SNX9: variants seen among roughly 807,000 people sequenced by gnomAD.
SNX9 encodes sorting nexin 9, also known as sorting nexin-9.
A neutral mutation model predicts 89.4 loss-of-function variants in SNX9; 44 were observed. That is an observed-to-expected ratio of 0.49 (90% CI 0.39 to 0.63). SNX9 has a LOEUF of 0.63. Ranked by LOEUF, SNX9 falls within the 30% of genes least tolerant of loss-of-function variation. SNX9 has a pLI of 0.00. For missense variants in SNX9, 578 were observed against 736.1 expected (o/e 0.79, Z 2.49); for synonymous variants, 236 against 247.8 (o/e 0.95, Z 0.45).
intron 6 of SNX9, among the ~76,000 whole-genome samples, chr6:157,902,641 A>G (rs1288901266): frequency 2.6e-5 from 4 of 151,922 alleles, no homozygotes; most frequent in Admixed American, 2.6e-4. Flanking sequence ...TTTCTCTTAG[A>G]TTTAAAACAA....
At chr6:157,941,258 G>C (rs1236184975) in intron 17 of SNX9, among the ~76,000 whole-genome samples, 1 of 152,082 alleles carries the variant, frequency 6.6e-6, no homozygotes, top group African/African-American at 2.4e-5. Flanking sequence ...CCCCGTCACA[G>C]CCTCTCTGTG....
chr6:157,872,604 T>G (rs1442300989), intron 2 of SNX9: 1 of 152,694 alleles, frequency 6.5e-6, no homozygotes, highest in African/African-American at 2.4e-5. Flanking sequence ...TGGGTCTCTG[T>G]CATCATCTAG....
chr6:157,933,714 C>G (rs1264831125), intron 13 of SNX9, among the ~76,000 whole-genome samples: 1 of 152,136 alleles, frequency 6.6e-6, no homozygotes, highest in African/African-American at 2.4e-5. Context: ...CATGGTGGCT[C>G]TGTGATGTCT....
intron 6 of SNX9, among the ~76,000 whole-genome samples, chr6:157,904,078 T>A (rs1783161091): frequency 6.6e-6 from 1 of 152,212 alleles, no homozygotes; most frequent in South Asian, 2.1e-4. Flanking sequence ...TGTATTCTAG[T>A]CATGGAACAT....
intron 1 of SNX9, among the ~76,000 whole-genome samples, chr6:157,838,427 C>T (rs1178607052): frequency 6.6e-6 from 1 of 152,012 alleles, no homozygotes; most frequent in Non-Finnish European, 1.5e-5. Context: ...AACACAGACA[C>T]TTAGATATCT....
chr6:157,900,751 C>T (rs552951566), intron 5 of SNX9, among the ~76,000 whole-genome samples: 6 of 152,180 alleles, frequency 3.9e-5, no homozygotes, highest in Middle Eastern at 3.2e-3. Flanking sequence ...TCAGTAATTT[C>T]TGACAGAGCC....
At chr6:157,838,418 A>G (rs1781627547) in intron 1 of SNX9, among the ~76,000 whole-genome samples, 1 of 152,170 alleles carries the variant, frequency 6.6e-6, no homozygotes, top group African/African-American at 2.4e-5. Flanking sequence ...CTAATGGAGA[A>G]CACAGACACT....
rs1783915893 is a variant in SNX9, at chr6:157,935,983, T to C, written c.1386T>C (p.Asp462=). 6.2e-7 allele frequency: 1 copy of C among 1,612,672 alleles called. No homozygotes were observed. Among genetic ancestry groups the C allele is most frequent in the Non-Finnish European group, 8.5e-7 (1 of 1,179,184 alleles). The part of the protein sequence containing the change: ...SGYQGETDLN[D]AITEAGKTYE... ...TTTCAGGTGAAACAGATCTCAATGA[T>C]GCAATAACAGAAGCAGGAAAGACTT... Residue 462 remains aspartate, a synonymous_variant, in exon 14 of 18, where the codon GAT becomes GAC. Coordinates refer to ENST00000392185, the MANE Select transcript of SNX9 (RefSeq NM_016224.5).
chr6:157,873,217 G>T, intron 3 of SNX9, 41 bp downstream of exon 3: 2 of 1,461,666 alleles, frequency 1.4e-6, no homozygotes, highest in Non-Finnish European at 9.2e-7. Flanking sequence ...GCTCATCTTT[G>T]CCAGGCATCT....
intron 9 of SNX9, among the ~76,000 whole-genome samples, chr6:157,914,380 TA>T (rs1470222160): frequency 6.6e-6 from 1 of 151,998 alleles, no homozygotes; most frequent in Admixed American, 6.6e-5. Context: ...AAAATATATA[TA>T]TGTATTTTCT....
chr6:157,870,583 G>T (rs1445706213), intron 2 of SNX9, among the ~76,000 whole-genome samples: 1 of 137,622 alleles, frequency 7.3e-6, no homozygotes, highest in Admixed American at 7.2e-5. Flanking sequence ...GCACTCACCC[G>T]TGCAAGCACA....
chr6:157,896,990 A>G lies in SNX9; in HGVS notation c.464A>G (p.Gln155Arg), dbSNP rs769229031. The change falls in exon 5 of 18, where the codon CAA (glutamine) becomes CGA (arginine). Residue 155 changes from glutamine to arginine, a missense_variant. Physicochemically the swap from Gln to Arg is conservative, Grantham distance 43. Transcript: ENST00000392185. ...DTAFGHPQAY[Q>R]GPATGDDDDW... ...GCCTTCGGCCACCCCCAGGCCTACC[A>G]AGGACCAGGTGAGGAGAGGGGTGCA... 7 of 1,597,496 alleles carry G rather than the reference A, an allele frequency of 4.4e-6. No individual in the cohort carries two copies. In the African/African-American group the frequency reaches 8.1e-5, roughly 19 times the overall value.
At chr6:157,860,930 A>G (rs1782108379) in intron 1 of SNX9, among the ~76,000 whole-genome samples, 1 of 152,184 alleles carries the variant, frequency 6.6e-6, no homozygotes, top group African/African-American at 2.4e-5. Flanking sequence ...GGGAATTTCT[A>G]TTTACATTTC....
chr6:157,911,421 G>T (rs534165780), intron 9 of SNX9, among the ~76,000 whole-genome samples: 1 of 152,348 alleles, frequency 6.6e-6, no homozygotes, highest in South Asian at 2.1e-4. Flanking sequence ...CAAGAGTCGA[G>T]AGAAACAGTT....
At chr6:157,939,955 T>C (rs1179797696) in intron 16 of SNX9, among the ~76,000 whole-genome samples, 1 of 141,050 alleles carries the variant, frequency 7.1e-6, no homozygotes, top group African/African-American at 2.7e-5. Flanking sequence ...TCCTCTAGAG[T>C]TGGGGGCAGG....
At chr6:157,894,106 C>CTT (rs746909411) in intron 4 of SNX9, among the ~76,000 whole-genome samples, 3,528 of 89,374 alleles carry the variant, frequency 0.039, 196 homozygotes, top group Non-Finnish European at 0.062. Flanking sequence ...CTTTTCTTTT[C>CTT]TTTTTTTTTT....
intron 4 of SNX9, among the ~76,000 whole-genome samples, chr6:157,878,494 A>G (rs1000285653): frequency 6.8e-6 from 1 of 146,454 alleles, no homozygotes. Context: ...CAGTGGCGTG[A>G]TGTCAGCTCA....
chr6:157,843,314 C>G (rs1411577443), intron 1 of SNX9, among the ~76,000 whole-genome samples: 1 of 152,118 alleles, frequency 6.6e-6, no homozygotes, highest in Admixed American at 6.6e-5. Flanking sequence ...CTTTCGACTC[C>G]CCCAAAACTT....
intron 6 of SNX9, among the ~76,000 whole-genome samples, chr6:157,902,680 G>A (rs1477290695): frequency 6.6e-6 from 1 of 151,274 alleles, no homozygotes; most frequent in Admixed American, 6.6e-5. Flanking sequence ...TTATTTTTTT[G>A]TTTTGAGACA....
Sources: gnomAD v4.1 joint callset for allele counts (sites outside exome capture counted in the v4.1 genomes callset) on GRCh38, gnomAD v4.1.1 for gene constraint, MANE v1.5 for transcripts, NCBI Gene and HGNC (gene_info 2026-07-23, HGNC 2026-07-21) for gene names.